Variants in SCN3A observed in about 807,000 individuals in gnomAD.
SCN3A encodes sodium voltage-gated channel alpha subunit 3, also known as sodium channel protein type 3 subunit alpha.
Under a neutral mutation model 187.6 loss-of-function variants are expected in SCN3A, and 60 were observed. That is an observed-to-expected ratio of 0.32 (90% CI 0.26 to 0.40). SCN3A has a LOEUF of 0.40. Among genes scored for constraint, SCN3A ranks in the 10% least tolerant of loss-of-function variants. The pLI, the probability that SCN3A is intolerant of heterozygous loss-of-function variation, is 1.00. For synonymous variants in SCN3A, 788 were observed against 829.2 expected (o/e 0.95, Z 0.85); for missense variants, 1,601 against 2,428.2 (o/e 0.66, Z 7.16).
At chr2:165,096,607 A>G (rs1212258297) in intron 23 of SCN3A, 87 bp from the exon 24 acceptor site, 3 of 901,142 alleles carry the variant, frequency 3.3e-6, no homozygotes, top group Non-Finnish European at 5.4e-6. Context: ...GTATTATAAC[A>G]AATAACTTTT....
chr2:165,095,464 A>G, intron 25 of SCN3A, 47 bp downstream of exon 25: 1 of 1,588,190 alleles, frequency 6.3e-7, no homozygotes, highest in Non-Finnish European at 8.6e-7. Context: ...CTGTATTAAC[A>G]GACAGAACCC....
chr2:165,139,522 C>A lies in SCN3A; in HGVS notation c.2106G>T (p.Arg702Ser), dbSNP rs1258983745. 3.1e-6 allele frequency: 5 copies of A among 1,613,922 alleles called. No homozygotes were observed. The highest frequency in any genetic ancestry group is 4.2e-6 in the Non-Finnish European group (5 of 1,179,896). The change falls in exon 14 of 28, where the codon AGG (arginine) becomes AGT (serine). Residue 702 changes from arginine (R) to serine (S), a missense_variant. Physicochemically the swap from Arg to Ser is moderately radical, Grantham distance 110. Around this residue, in one of 11 missense-constraint regions of SCN3A, gnomAD observed 376 missense variants for 476.0 expected, o/e 0.79. Coordinates refer to ENST00000283254, the MANE Select transcript of SCN3A (RefSeq NM_006922.4). Reference protein sequence around the residue: ...SMEMLEDSSGRQRAVSIASIL... With the variant: ...SMEMLEDSSGSQRAVSIASIL... ...TGCTGGCTATGCTCACGGCTCTTTG[C>A]CTTCCAGAGGAATCCTCCAGCATCT...
In SCN3A at chr2:165,133,457, C is replaced by A. The variant is rs116544324; in HGVS notation, c.2392-2040G>T. On this transcript the variant is annotated intron_variant, in intron 15 of 27. Coordinates refer to ENST00000283254, the MANE Select transcript of SCN3A (RefSeq NM_006922.4). Reference sequence around the variant, plus strand: ...GCTTCAAGTGATTCTCCAGTCTCAGCCTCCCAGGTAGCTGGGATTACAGGC... The same window carrying A: ...GCTTCAAGTGATTCTCCAGTCTCAGACTCCCAGGTAGCTGGGATTACAGGC... Among the ~76,000 whole-genome samples, 652 of 152,124 alleles carry A rather than the reference C, an allele frequency of 4.3e-3. 5 individuals carry two copies. The highest frequency in any genetic ancestry group is 7.2e-3 in the Non-Finnish European group (492 of 67,998).
intron 19 of SCN3A, among the ~76,000 whole-genome samples, chr2:165,115,207 T>C (rs1686305130): frequency 6.6e-6 from 1 of 151,464 alleles, no homozygotes; most frequent in African/African-American, 2.4e-5. Context: ...TGTACCACCA[T>C]GTTGAGCTAA....
At chr2:165,122,330 A>G (rs1686731548) in intron 18 of SCN3A, among the ~76,000 whole-genome samples, 2 of 146,108 alleles carry the variant, frequency 1.4e-5, no homozygotes, top group South Asian at 4.3e-4. Context: ...TGAAAATTAT[A>G]TTCATAGATC....
At chr2:165,195,587 A>C (rs1318085120) in intron 1 of SCN3A, 2 of 152,132 alleles carry the variant, frequency 1.3e-5, no homozygotes, top group African/African-American at 4.8e-5. Flanking sequence ...TAAGTGTGAA[A>C]CTTCCCAAAT....
chr2:165,116,686 G>A (rs917683149), intron 18 of SCN3A, among the ~76,000 whole-genome samples: 2 of 152,072 alleles, frequency 1.3e-5, no homozygotes, highest in African/African-American at 4.8e-5. Flanking sequence ...CTGATTTAAT[G>A]AAGACGTAAT....
At chr2:165,146,575 C>T (rs959076828) in intron 12 of SCN3A, among the ~76,000 whole-genome samples, 164 bp downstream of exon 12, 1 of 150,368 alleles carries the variant, frequency 6.7e-6, no homozygotes, top group African/African-American at 2.4e-5. Context: ...AATAAAAATC[C>T]CTTTGAAGAC....
At chr2:165,135,785 T>G (rs1687628697) in intron 15 of SCN3A, among the ~76,000 whole-genome samples, 1 of 152,122 alleles carries the variant, frequency 6.6e-6, no homozygotes, top group African/African-American at 2.4e-5. Context: ...TATCAACCAA[T>G]AGAGACAGTC....
intron 16 of SCN3A, among the ~76,000 whole-genome samples, chr2:165,130,990 A>T (rs1687282720): frequency 6.6e-6 from 1 of 152,116 alleles, no homozygotes. Context: ...TCATAAACTT[A>T]AAACACAGTT....
intron 1 of SCN3A, among the ~76,000 whole-genome samples, chr2:165,198,381 C>A (rs181431209): frequency 1.3e-5 from 2 of 151,862 alleles, no homozygotes; most frequent in Non-Finnish European, 2.9e-5. Flanking sequence ...CCTCTCCATG[C>A]GGTTTATTTT....
Position 165,159,351 on chromosome 2 carries a change from T to G in SCN3A, c.1031+2957A>C, listed in dbSNP as rs1324449433. Among the ~76,000 whole-genome samples, 3 of 136,602 alleles carry G rather than the reference T, an allele frequency of 2.2e-5. 1 individual carries two copies. Among genetic ancestry groups the G allele is most frequent in the African/African-American group, 9.0e-5 (3 of 33,458 alleles). The allele number at this position is 136,602 out of a possible 152,430, so 89.6% of individuals were successfully genotyped here. On this transcript the variant is annotated intron_variant, in intron 9 of 27. Coordinates refer to ENST00000283254, the MANE Select transcript of SCN3A (RefSeq NM_006922.4). ...AGATATTCTGGACACTGGTTTGTTG[T>G]TTTGTTTTGTTTTGTTTTCTTTTGA...
At chr2:165,137,184 T>C (rs761049779) in intron 15 of SCN3A, among the ~76,000 whole-genome samples, 7 of 152,130 alleles carry the variant, frequency 4.6e-5, no homozygotes, top group Non-Finnish European at 8.8e-5. Flanking sequence ...CAGACTGCAA[T>C]ACTGCCCTTT....
chr2:165,126,014 C>G (rs1055289277), intron 18 of SCN3A, among the ~76,000 whole-genome samples: 1 of 152,014 alleles, frequency 6.6e-6, no homozygotes, highest in Non-Finnish European at 1.5e-5. Flanking sequence ...TCTAAAATAC[C>G]TGAAAATAGT....
At chr2:165,136,901 G>T (rs57319862) in intron 15 of SCN3A, among the ~76,000 whole-genome samples, 2,330 of 152,158 alleles carry the variant, frequency 0.015, 56 homozygotes, top group African/African-American at 0.052. Context: ...GCTCCTTCAC[G>T]CATGATTCCT....
intron 22 of SCN3A, among the ~76,000 whole-genome samples, chr2:165,098,734 A>C (rs556959857): frequency 9.2e-5 from 14 of 152,370 alleles, no homozygotes; most frequent in African/African-American, 3.4e-4. Flanking sequence ...GTTTTCAAGT[A>C]AATGCATAAT....
Position 165,087,820 on chromosome 2 carries a change from A to G in SCN3A, c.*2330T>C, listed in dbSNP as rs1171048860. On this transcript the variant is annotated 3_prime_UTR_variant, in exon 28 of 28. Coordinates refer to ENST00000283254, the MANE Select transcript of SCN3A (RefSeq NM_006922.4). The stretch of plus-strand genomic sequence containing the variant: ...ATAGCATCAATTATATTGAAAGAAG[A>G]TGAGTTTAGATGCTTATAGCCAAGG... 6.6e-6 allele frequency: 1 copy of G among 152,178 alleles called. No homozygotes were observed. The highest frequency in any genetic ancestry group is 1.5e-5 in the Non-Finnish European group (1 of 68,012). 9.4% of individuals were successfully genotyped at this position (152,178 alleles called of 1,614,324 possible).
At chr2:165,099,757 G>T (rs537851018) in intron 22 of SCN3A, among the ~76,000 whole-genome samples, 19 of 152,116 alleles carry the variant, frequency 1.2e-4, no homozygotes, top group Admixed American at 1.2e-3. Context: ...AACTCTGGAG[G>T]TTGCCTGAAA....
In SCN3A at chr2:165,092,438, G is replaced by A; in HGVS notation, c.4623C>T (p.Val1541=). ...GGTCATCCGTTTCCACCATCATGGT[G>A]ACCATGTTGAGGCAGATGAGGATCA... is the stretch of plus-strand genomic sequence containing the variant. ...SIMILICLNM[V]TMMVETDDQG... is the part of the protein sequence containing the mutation. Residue 1541 remains valine (V), a synonymous_variant, in exon 27 of 28, where the codon GTC becomes GTT. Transcript: ENST00000283254. This position sits in a 1 kb window ranked among gnomAD's most constrained non-coding sequence, Gnocchi z 4.2. The A allele has an allele frequency of 3.1e-6, 5 of 1,613,938 alleles. No individual in the cohort carries two copies. The highest frequency in any genetic ancestry group is 4.2e-6 in the Non-Finnish European group (5 of 1,179,906).
Sources: gnomAD v4.1 joint callset for allele counts (sites outside exome capture counted in the v4.1 genomes callset) on GRCh38, gnomAD v4.1.1 for gene constraint, gnomAD v4.1.1 regional missense constraint, Gnocchi (gnomAD v3.1) non-coding constraint, MANE v1.5 for transcripts, NCBI Gene and HGNC (gene_info 2026-07-23, HGNC 2026-07-21) for gene names.